The following DNAH3 variants were observed in gnomAD, a reference collection of about 807,000 sequenced individuals.
The protein encoded by DNAH3 is dynein axonemal heavy chain 3, also known as axonemal beta dynein heavy chain 3.
A neutral mutation model predicts 432.5 loss-of-function variants in DNAH3; 332 were observed. The observed-to-expected ratio is 0.77, with a 90% CI of 0.70 to 0.84. DNAH3 has a LOEUF of 0.84. DNAH3 is among the 40% of genes least tolerant of loss of function. The probability of loss-of-function intolerance (pLI) is 0.00; values close to 1 mark genes in which losing one functional copy is unlikely to be tolerated. For missense variants in DNAH3, 4,861 were observed against 5,114.0 expected (o/e 0.95, Z 1.51); for synonymous variants, 1,956 against 1,900.2 (o/e 1.03, Z -0.76).
chr16:21,003,493 C>G (rs961013799), intron 41 of DNAH3, among the ~76,000 whole-genome samples: 1 of 152,190 alleles, frequency 6.6e-6, no homozygotes, highest in Non-Finnish European at 1.5e-5. Context: ...TAGAACAAGG[C>G]CAGGTACAGT....
chr16:21,032,478 G>C (rs947394166), intron 36 of DNAH3, among the ~76,000 whole-genome samples: 3 of 152,128 alleles, frequency 2.0e-5, no homozygotes, highest in Non-Finnish European at 4.4e-5. Context: ...ATCCTTCAAA[G>C]TAGGGAAAAG....
At chr16:21,139,168 T>C (rs2092684682) in intron 5 of DNAH3, among the ~76,000 whole-genome samples, 2 of 152,096 alleles carry the variant, frequency 1.3e-5, no homozygotes, top group South Asian at 4.1e-4. Context: ...AAGTGAAAGT[T>C]GTCTAGACCT....
At chr16:21,084,919 C>A (rs1039078782) in intron 19 of DNAH3, among the ~76,000 whole-genome samples, 1 of 152,162 alleles carries the variant, frequency 6.6e-6, no homozygotes, top group Admixed American at 6.5e-5. Context: ...ATAGAGAAAC[C>A]TGGCACTACC....
chr16:21,122,274 G>A, intron 9 of DNAH3, 150 bp from the exon 11 acceptor site: 1 of 650,562 alleles, frequency 1.5e-6, no homozygotes, highest in Non-Finnish European at 2.5e-6. Context: ...ATGGGCTGGG[G>A]CTGGGCACCG....
At chr16:21,124,291 T>A (rs1056176097) in intron 9 of DNAH3, among the ~76,000 whole-genome samples, 3 of 152,176 alleles carry the variant, frequency 2.0e-5, no homozygotes, top group African/African-American at 7.2e-5. Flanking sequence ...CCCCTTCTTG[T>A]AAAAGAGAGG....
intron 23 of DNAH3, among the ~76,000 whole-genome samples, chr16:21,068,602 A>G (rs2090663904): frequency 6.6e-6 from 1 of 152,208 alleles, no homozygotes; most frequent in Non-Finnish European, 1.5e-5. Flanking sequence ...GGCGTGAGCC[A>G]CCGCACTCAG....
chr16:21,121,844 AACTGAATATCCCAGCG>A (rs1055048669), intron 10 of DNAH3, 85 bp downstream of exon 11: 140 of 962,056 alleles, frequency 1.5e-4, no homozygotes, highest in Non-Finnish European at 2.0e-4. Context: ...AAGCTCCCTT[AACTGAATATCCCAGCG>A]ACCTGACTTG....
chr16:20,952,188 A>AT (rs1399091805), intron 56 of DNAH3, among the ~76,000 whole-genome samples: 1 of 152,138 alleles, frequency 6.6e-6, no homozygotes, highest in Non-Finnish European at 1.5e-5. Flanking sequence ...GGCCTGTATC[A>AT]TTTTTTAAAA....
chr16:21,060,007 C>A (rs1036829807), intron 26 of DNAH3, among the ~76,000 whole-genome samples: 1 of 152,126 alleles, frequency 6.6e-6, no homozygotes, highest in African/African-American at 2.4e-5. Context: ...TCCCATTTGA[C>A]AAAAAGGACT....
At chr16:21,067,769 T>TGGGGGGGGGGGGGGGGGG (rs2090613226) in intron 23 of DNAH3, among the ~76,000 whole-genome samples, 1 of 21,680 alleles carries the variant, frequency 4.6e-5, no homozygotes, top group African/African-American at 1.9e-4. Context: ...GGGGGGGGGG[T>TGGGGGGGGGGGGGGGGGG]GGGGAGGGAG....
intron 48 of DNAH3, among the ~76,000 whole-genome samples, chr16:20,984,043 A>G (rs528359773): frequency 1.3e-5 from 2 of 151,460 alleles, no homozygotes; most frequent in East Asian, 3.9e-4. Context: ...AAAAAAAAAA[A>G]AAGACAGAAA....
intron 57 of DNAH3, among the ~76,000 whole-genome samples, chr16:20,945,530 T>A (rs1173124547): frequency 6.6e-6 from 1 of 151,918 alleles, no homozygotes; most frequent in Admixed American, 6.6e-5. Context: ...TCTTGCTGTC[T>A]GCCAGGCTGG....
rs564641505 is a variant in DNAH3 at position 20,934,739 on chromosome 16, C to CT, written c.11997+608dup. On this transcript the variant is annotated intron_variant, in intron 61 of 61. Transcript: ENST00000261383. ...TCAACATCAAGAAAGATGGTTTTAT[C>CT]TTTTTTTCAATGTTTATCCTAGTCA... Among the ~76,000 whole-genome samples, 22 of 152,086 alleles carry CT rather than the reference C, an allele frequency of 1.4e-4. No homozygotes were observed. The South Asian group carries it at 4.4e-3, about 30-fold the overall frequency.
At position 20,989,698 on chromosome 16, in the gene DNAH3, T is replaced by C. The variant is rs1292608683; in HGVS notation, c.6602-1633A>G. Reference sequence around the variant, plus strand: ...CTGGGCGCCGTGGAGCAGGGGGTGGTGCTCGTCGGGGAGGCTTGGGCCGCA... The same window carrying C: ...CTGGGCGCCGTGGAGCAGGGGGTGGCGCTCGTCGGGGAGGCTTGGGCCGCA... On this transcript the variant is annotated intron_variant, in intron 44 of 61. Coordinates refer to ENST00000261383, the Ensembl canonical transcript of DNAH3. Among the ~76,000 whole-genome samples, 3 of 152,310 alleles carry C rather than the reference T, an allele frequency of 2.0e-5. No homozygotes were observed. The South Asian group carries it at 6.2e-4, about 32-fold the overall frequency.
intron 27 of DNAH3, 73 bp downstream of exon 27, chr16:21,058,013 C>A: frequency 5.4e-6 from 5 of 932,126 alleles, no homozygotes; most frequent in African/African-American, 1.6e-5. Flanking sequence ...AACATGGCTA[C>A]TCTAATTATA....
chr16:21,086,836 G>T lies in DNAH3; in HGVS notation c.2877+13C>A. On this transcript the variant is annotated intron_variant, in intron 19 of 61. Coordinates refer to ENST00000261383, the Ensembl canonical transcript of DNAH3. ...GCTGCGCTGCTTGGGGGCGGGCAGT[G>T]ATTGATAGAAACCTGCTGCCAGTGT... 6.2e-7 allele frequency: 1 copy of T among 1,612,872 alleles called. No individual in the cohort carries two copies. The highest frequency in any genetic ancestry group is 8.5e-7 in the Non-Finnish European group (1 of 1,178,902).
chr16:21,114,698 C>T (rs2092147116), intron 12 of DNAH3, among the ~76,000 whole-genome samples: 1 of 152,188 alleles, frequency 6.6e-6, no homozygotes, highest in Non-Finnish European at 1.5e-5. Context: ...GAGATACCAT[C>T]TCACACCAGT....
chr16:20,935,564 C>A, intron 60 of DNAH3, 79 bp from the exon 61 acceptor site: 2 of 1,470,264 alleles, frequency 1.4e-6, no homozygotes, highest in East Asian at 2.4e-5. Context: ...TAACGAGTAC[C>A]ATATAAAATA....
intron 26 of DNAH3, among the ~76,000 whole-genome samples, chr16:21,059,599 ACCACATCTC>A (rs2090271421): frequency 6.6e-6 from 1 of 152,070 alleles, no homozygotes; most frequent in Admixed American, 6.6e-5. Flanking sequence ...ACATGGTGAA[ACCACATCTC>A]TACGAAAAAT....
Sources: allele counts gnomAD v4.1 joint callset (sites outside exome capture counted in the v4.1 genomes callset), GRCh38; gene constraint gnomAD v4.1.1; transcripts MANE v1.5; gene names NCBI Gene and HGNC (gene_info 2026-07-23, HGNC 2026-07-21).